Variants in EPYC observed in about 807,000 individuals in gnomAD.
EPYC encodes epiphycan.
Under a neutral mutation model 30.1 loss-of-function variants are expected in EPYC, and 28 were observed. The ratio of observed to expected loss-of-function variants is 0.93; its 90% CI spans 0.69 to 1.28. The LOEUF is 1.28. Ranked by LOEUF, EPYC falls within the 50% of genes most tolerant of loss-of-function variation. The probability of loss-of-function intolerance (pLI) is 0.00; values close to 1 mark genes in which losing one functional copy is unlikely to be tolerated. For synonymous variants in EPYC, 144 were observed against 141.4 expected (o/e 1.02, Z -0.13); for missense variants, 382 against 383.5 (o/e 1.00, Z 0.03).
chr12:90,972,976 A>G lies in EPYC; in HGVS notation c.345T>C (p.Phe115=). The G allele has an allele frequency of 6.4e-7, 1 of 1,569,594 alleles. No individual in the cohort carries two copies. The highest frequency in any genetic ancestry group is 8.7e-7 in the Non-Finnish European group (1 of 1,155,716). Residue 115 remains phenylalanine, a synonymous_variant, in exon 4 of 7, where the codon TTT becomes TTC. Transcript: ENST00000261172. Reference sequence around the variant, plus strand: ...TACAAGTACACAAAAGACAGGTTGGAAAGTCTAAAAGATAAAGGAAAATAA... The same window carrying G: ...TACAAGTACACAAAAGACAGGTTGGGAAGTCTAAAAGATAAAGGAAAATAA... The part of the protein sequence containing the change: ...GVLGPHTNED[F]PTCLLCTCIS...
intron 6 of EPYC, among the ~76,000 whole-genome samples, chr12:90,967,979 A>C (rs1450576513): frequency 6.6e-6 from 1 of 152,148 alleles, no homozygotes; most frequent in Admixed American, 6.6e-5. Context: ...ATAAAAAAAA[A>C]TTAAAATTAA....
chr12:90,999,247 C>T (rs1877766684), intron 2 of EPYC, among the ~76,000 whole-genome samples: 1 of 151,984 alleles, frequency 6.6e-6, no homozygotes, highest in South Asian at 2.1e-4. Context: ...TTTTAGGGAA[C>T]ATCTTAGAAT....
At chr12:90,985,923 G>T (rs1001616952) in intron 2 of EPYC, among the ~76,000 whole-genome samples, 2 of 152,096 alleles carry the variant, frequency 1.3e-5, no homozygotes, top group Non-Finnish European at 2.9e-5. Context: ...TTAATCTCCT[G>T]TCCCACACAG....
chr12:90,971,814 G>T lies in EPYC; in HGVS notation c.688C>A (p.Gln230Lys), dbSNP rs1877055740. The T allele has an allele frequency of 6.2e-7, 1 of 1,601,486 alleles. No homozygotes were observed. Among genetic ancestry groups the T allele is most frequent in the Non-Finnish European group, 8.5e-7 (1 of 1,175,064 alleles). ...TTAAAACTTACTTTAAATGCTTCTTGCTTTATCCCTTTCCTTCCAAGTCTA... is the reference window on the plus strand; with the variant it reads ...TTAAAACTTACTTTAAATGCTTCTTTCTTTATCCCTTTCCTTCCAAGTCTA... ...NNRLGRKGIK[Q>K]EAFKDMYDLH... Residue 230 changes from glutamine to lysine, a missense_variant, in exon 5 of 7, where the codon CAA becomes AAA. Gln to Lys is a moderately conservative substitution (Grantham distance 53, BLOSUM62 1). Coordinates refer to ENST00000261172, the MANE Select transcript of EPYC (RefSeq NM_004950.5).
chr12:90,972,756 T>C (rs949706231), intron 4 of EPYC, 66 bp downstream of exon 4: 1 of 1,407,296 alleles, frequency 7.1e-7, no homozygotes, highest in Admixed American at 2.0e-5. Flanking sequence ...GTGCTAACAT[T>C]TAACAATGTA....
intron 2 of EPYC, among the ~76,000 whole-genome samples, chr12:90,988,558 A>G (rs1333433586): frequency 6.6e-6 from 1 of 152,184 alleles, no homozygotes; most frequent in East Asian, 1.9e-4. Flanking sequence ...AATAACTAGC[A>G]TGAATTCTGT....
chr12:90,967,757 G>T (rs1353859191), intron 6 of EPYC, among the ~76,000 whole-genome samples: 1 of 152,140 alleles, frequency 6.6e-6, no homozygotes, highest in Non-Finnish European at 1.5e-5. Flanking sequence ...AGGATCACTT[G>T]AGGCCAGGAG....
chr12:91,003,953 C>T (rs1377471574), intron 1 of EPYC, among the ~76,000 whole-genome samples: 1 of 152,042 alleles, frequency 6.6e-6, no homozygotes, highest in East Asian at 1.9e-4. Context: ...CTCTCCTATG[C>T]TTTCTTCAAA....
At chr12:90,973,985 G>A (rs1454138066) in intron 3 of EPYC, among the ~76,000 whole-genome samples, 1 of 151,512 alleles carries the variant, frequency 6.6e-6, no homozygotes, top group Non-Finnish European at 1.5e-5. Context: ...AAATGTTTCT[G>A]AGGCTGGGTT....
intron 5 of EPYC, among the ~76,000 whole-genome samples, chr12:90,970,840 T>C (rs1274680476): frequency 1.3e-5 from 2 of 152,210 alleles, no homozygotes; most frequent in African/African-American, 4.8e-5. Context: ...GTGCCATCCC[T>C]GAGAATACTG....
At chr12:90,966,787 T>A (rs1876907480) in intron 6 of EPYC, among the ~76,000 whole-genome samples, 2 of 152,292 alleles carry the variant, frequency 1.3e-5, no homozygotes, top group South Asian at 4.1e-4. Context: ...TTTTGGAAGA[T>A]ATTAAATTGC....
intron 2 of EPYC, among the ~76,000 whole-genome samples, chr12:90,992,150 A>T (rs1006049134): frequency 1.3e-5 from 2 of 152,172 alleles, no homozygotes; most frequent in Non-Finnish European, 2.9e-5. Context: ...TCTCATAAGA[A>T]GCAGGCAACT....
chr12:90,967,423 G>A (rs972632991), intron 6 of EPYC, among the ~76,000 whole-genome samples: 1 of 151,042 alleles, frequency 6.6e-6, no homozygotes, highest in African/African-American at 2.4e-5. Flanking sequence ...TTTATTTTTT[G>A]TTGATTTCTA....
chr12:90,968,128 C>A (rs993952207), intron 6 of EPYC, among the ~76,000 whole-genome samples: 1 of 151,926 alleles, frequency 6.6e-6, no homozygotes. Flanking sequence ...TATGTATTGA[C>A]CCTGATGTAT....
At chr12:90,993,766 T>A (rs1472934093) in intron 2 of EPYC, among the ~76,000 whole-genome samples, 1 of 151,382 alleles carries the variant, frequency 6.6e-6, no homozygotes, top group Non-Finnish European at 1.5e-5. Context: ...TGTATAATAT[T>A]TTGAGATAAA....
intron 2 of EPYC, among the ~76,000 whole-genome samples, chr12:90,991,082 T>A (rs1481475347): frequency 1.3e-5 from 2 of 152,142 alleles, no homozygotes; most frequent in African/African-American, 4.8e-5. Flanking sequence ...TTTTATCCAG[T>A]CTCAATATTT....
At chr12:90,976,303 GA>G (rs927591603) in intron 3 of EPYC, among the ~76,000 whole-genome samples, 3 of 151,786 alleles carry the variant, frequency 2.0e-5, no homozygotes, top group South Asian at 2.1e-4. Flanking sequence ...AATTTTGAGA[GA>G]AAAAAATGCA....
chr12:90,984,385 A>G (rs1877398917), intron 2 of EPYC, among the ~76,000 whole-genome samples: 1 of 152,124 alleles, frequency 6.6e-6, no homozygotes. Flanking sequence ...AATGGGAAAC[A>G]TTCAGGCATC....
intron 2 of EPYC, among the ~76,000 whole-genome samples, chr12:90,980,462 A>G (rs1296969639): frequency 6.6e-6 from 1 of 152,180 alleles, no homozygotes; most frequent in Non-Finnish European, 1.5e-5. Flanking sequence ...CTATGCCTGG[A>G]GAGACTTTTG....
Sources: gnomAD v4.1 joint callset for allele counts (sites outside exome capture counted in the v4.1 genomes callset) on GRCh38, gnomAD v4.1.1 for gene constraint, MANE v1.5 for transcripts, NCBI Gene and HGNC (gene_info 2026-07-23, HGNC 2026-07-21) for gene names.